The following IMMP2L variants were observed in gnomAD, a reference collection of about 807,000 sequenced individuals.
IMMP2L encodes inner mitochondrial membrane peptidase subunit 2.
Under a neutral mutation model 19.3 loss-of-function variants are expected in IMMP2L, and 18 were observed. The observed-to-expected ratio is 0.93, with a 90% CI of 0.64 to 1.38. The LOEUF (loss-of-function observed/expected upper bound fraction) is 1.38, where lower values mean the gene tolerates loss of function less well. Ranked by LOEUF, IMMP2L falls within the 40% of genes most tolerant of loss-of-function variation. The pLI is 0.00. For missense variants in IMMP2L, 233 were observed against 218.2 expected (o/e 1.07, Z -0.43); for synonymous variants, 76 against 73.0 (o/e 1.04, Z -0.21).
At chr7:110,896,883 T>C (rs1811384859) in intron 4 of IMMP2L, among the ~76,000 whole-genome samples, 1 of 152,108 alleles carries the variant, frequency 6.6e-6, no homozygotes, top group Admixed American at 6.6e-5. Flanking sequence ...CATAGCTCAC[T>C]GCAGCTGTAG....
chr7:110,915,421 TAGA>T (rs1253888494), intron 4 of IMMP2L, among the ~76,000 whole-genome samples: 2 of 125,790 alleles, frequency 1.6e-5, no homozygotes, highest in Admixed American at 1.1e-4. Flanking sequence ...GTCAAATTCA[TAGA>T]AGAAGAGAGT....
At chr7:110,993,717 G>A (rs1230761862) in intron 3 of IMMP2L, among the ~76,000 whole-genome samples, 2 of 151,966 alleles carry the variant, frequency 1.3e-5, no homozygotes, top group Admixed American at 6.6e-5. Flanking sequence ...TCTCAAAGTC[G>A]AATGGTCAAA....
chr7:110,780,925 T>C (rs1799694929), intron 5 of IMMP2L, among the ~76,000 whole-genome samples: 1 of 151,922 alleles, frequency 6.6e-6, no homozygotes, highest in Middle Eastern at 3.4e-3. Context: ...GTTCCACCAG[T>C]GTGGGCTTAT....
At chr7:110,973,813 C>T (rs1820407586) in intron 3 of IMMP2L, among the ~76,000 whole-genome samples, 1 of 152,146 alleles carries the variant, frequency 6.6e-6, no homozygotes, top group Admixed American at 6.6e-5. Context: ...CTAATCTCTA[C>T]AGCTGTCATG....
At chr7:111,349,015 A>C (rs1172772861) in intron 3 of IMMP2L, among the ~76,000 whole-genome samples, 2 of 152,136 alleles carry the variant, frequency 1.3e-5, no homozygotes, top group Non-Finnish European at 2.9e-5. Context: ...ATACTTTATA[A>C]GCTTCAGCTT....
chr7:111,020,977 A>G (rs1826216112), intron 3 of IMMP2L, among the ~76,000 whole-genome samples: 1 of 152,216 alleles, frequency 6.6e-6, no homozygotes, highest in Admixed American at 6.5e-5. Context: ...TTAACAAAAT[A>G]TAACAATTAG....
chr7:110,880,890 A>G (rs1176080849), intron 5 of IMMP2L, among the ~76,000 whole-genome samples: 1 of 152,118 alleles, frequency 6.6e-6, no homozygotes, highest in Non-Finnish European at 1.5e-5. Flanking sequence ...ACATTCTTCT[A>G]TCTAAAAATG....
intron 3 of IMMP2L, among the ~76,000 whole-genome samples, chr7:111,180,864 A>C (rs1807628821): frequency 6.6e-6 from 1 of 152,014 alleles, no homozygotes. Context: ...TTAGGTTTCT[A>C]TGCTGTTTCC....
At chr7:110,873,429 CAAAA>C (rs60827428) in intron 5 of IMMP2L, among the ~76,000 whole-genome samples, 73 of 28,932 alleles carry the variant, frequency 2.5e-3, no homozygotes, top group African/African-American at 5.5e-3. Context: ...GACTCTATCT[CAAAA>C]AAAAAAAAAA....
chr7:111,409,844 G>T (rs1391285186), intron 3 of IMMP2L, among the ~76,000 whole-genome samples: 1 of 151,698 alleles, frequency 6.6e-6, no homozygotes, highest in African/African-American at 2.4e-5. Context: ...GGCAGAAGAG[G>T]CATGTGATTA....
chr7:110,830,719 A>G (rs1803895363), intron 5 of IMMP2L, among the ~76,000 whole-genome samples: 1 of 152,072 alleles, frequency 6.6e-6, no homozygotes, highest in South Asian at 2.1e-4. Context: ...ATAATGTCAG[A>G]TACCTCCTCT....
At chr7:111,073,227 T>C (rs1314577427) in intron 3 of IMMP2L, among the ~76,000 whole-genome samples, 1 of 152,102 alleles carries the variant, frequency 6.6e-6, no homozygotes, top group Admixed American at 6.5e-5. Context: ...TATATACACA[T>C]AAACACACTC....
intron 4 of IMMP2L, among the ~76,000 whole-genome samples, chr7:110,890,125 G>A (rs1337663017): frequency 6.6e-6 from 1 of 151,898 alleles, no homozygotes; most frequent in East Asian, 1.9e-4. Context: ...CTCTCCCTAC[G>A]GTTGCACTGT....
At chr7:111,049,685 G>A (rs1563193770) in intron 3 of IMMP2L, among the ~76,000 whole-genome samples, 1 of 152,080 alleles carries the variant, frequency 6.6e-6, no homozygotes, top group Non-Finnish European at 1.5e-5. Context: ...CTGAAATACT[G>A]GTTAAGAACA....
intron 3 of IMMP2L, among the ~76,000 whole-genome samples, chr7:111,110,058 C>T (rs1799017069): frequency 6.6e-6 from 1 of 152,120 alleles, no homozygotes; most frequent in South Asian, 2.1e-4. Context: ...TCGCTTGAAC[C>T]CAGGAGGTGG....
At chr7:111,428,040 C>A (rs191415261) in intron 3 of IMMP2L, among the ~76,000 whole-genome samples, 3 of 151,808 alleles carry the variant, frequency 2.0e-5, no homozygotes, top group Non-Finnish European at 2.9e-5. Flanking sequence ...CAAGTGTAGT[C>A]TGTGTAGCAA....
At chr7:111,108,669 C>T (rs1798823883) in intron 3 of IMMP2L, among the ~76,000 whole-genome samples, 1 of 152,086 alleles carries the variant, frequency 6.6e-6, no homozygotes, top group South Asian at 2.1e-4. Flanking sequence ...GGTATTGTTA[C>T]ACTTTTGTAA....
intron 5 of IMMP2L, among the ~76,000 whole-genome samples, chr7:110,705,536 C>A (rs1183835185): frequency 6.6e-6 from 1 of 152,036 alleles, no homozygotes; most frequent in Non-Finnish European, 1.5e-5. Context: ...TATTTCATCT[C>A]ATAAGTTTTA....
intron 3 of IMMP2L, among the ~76,000 whole-genome samples, chr7:111,484,553 T>C (rs969401577): frequency 6.6e-6 from 1 of 152,222 alleles, no homozygotes; most frequent in Non-Finnish European, 1.5e-5. Flanking sequence ...CACTTCTGTA[T>C]GTGTCACACA....
Sources: gnomAD v4.1 joint callset for allele counts (sites outside exome capture counted in the v4.1 genomes callset) on GRCh38, gnomAD v4.1.1 for gene constraint, MANE v1.5 for transcripts, NCBI Gene and HGNC (gene_info 2026-07-23, HGNC 2026-07-21) for gene names.